Variants in VAV2 observed in about 807,000 individuals in gnomAD.
VAV2 encodes guanine nucleotide exchange factor VAV2.
In VAV2, 67 loss-of-function variants were observed where a neutral mutation model predicts 132.5. The ratio of observed to expected loss-of-function variants is 0.51; its 90% CI spans 0.42 to 0.62. The LOEUF is 0.62. Among genes scored for constraint, VAV2 ranks in the 20% least tolerant of loss-of-function variants. The probability of loss-of-function intolerance (pLI) is 0.00; values close to 1 mark genes in which losing one functional copy is unlikely to be tolerated. For missense variants in VAV2, 938 were observed against 1,153.6 expected, an observed-to-expected ratio of 0.81 and a Z score of 2.71; for synonymous variants, 492 against 443.5, an observed-to-expected ratio of 1.11 and a Z score of -1.37.
chr9:133,801,579 C>G (rs923071828), intron 9 of VAV2, among the ~76,000 whole-genome samples: 1 of 152,214 alleles, frequency 6.6e-6, no homozygotes, highest in Non-Finnish European at 1.5e-5. Context: ...ACCCCTAGCC[C>G]CACTGAGCAA....
chr9:133,990,981 T>A (rs1367027070), intron 1 of VAV2, among the ~76,000 whole-genome samples: 1 of 152,064 alleles, frequency 6.6e-6, no homozygotes, highest in Non-Finnish European at 1.5e-5. Context: ...GGAAACGCAG[T>A]CACCGCCAAA....
intron 2 of VAV2, among the ~76,000 whole-genome samples, chr9:133,888,743 G>T (rs1423996984): frequency 6.6e-6 from 1 of 152,222 alleles, no homozygotes; most frequent in Non-Finnish European, 1.5e-5. Context: ...TGAGCCGACT[G>T]ATCTGTTCCA....
chr9:133,813,857 G>A (rs190604104), intron 4 of VAV2, among the ~76,000 whole-genome samples: 72 of 152,334 alleles, frequency 4.7e-4, no homozygotes, highest in Admixed American at 1.6e-3. Context: ...GTGTGCCAGC[G>A]CCTGTAGAAA....
At chr9:133,793,528 A>G (rs2131628231) in intron 12 of VAV2, among the ~76,000 whole-genome samples, 1 of 152,278 alleles carries the variant, frequency 6.6e-6, no homozygotes, top group Non-Finnish European at 1.5e-5. Context: ...CCCAGAGACA[A>G]GGACCCCAGT....
chr9:133,827,044 A>C (rs914078346), intron 4 of VAV2, among the ~76,000 whole-genome samples: 7 of 152,160 alleles, frequency 4.6e-5, no homozygotes, highest in African/African-American at 1.7e-4. Context: ...GCCTCAGTGA[A>C]CAGAAAATGG....
At chr9:133,783,324 T>A (rs2428107) in intron 19 of VAV2, among the ~76,000 whole-genome samples, 179 bp downstream of exon 19, 132,135 of 151,978 alleles carry the variant, frequency 0.87, 57,634 homozygotes, top group East Asian at 1. Flanking sequence ...GTGTCTCCTG[T>A]TAAGTGTGTG....
intron 2 of VAV2, among the ~76,000 whole-genome samples, chr9:133,929,277 G>C (rs1216947071): frequency 6.6e-6 from 1 of 152,134 alleles, no homozygotes. Flanking sequence ...CCGGACAGTG[G>C]TGGGTGGGTT....
At position 133,826,744 on chromosome 9, in the gene VAV2, T is replaced by C. The variant is rs1836003387; in HGVS notation, c.449+7528A>G. ...CTGCCCTGAGTGGGAGCTTTCAAAT[T>C]TCTCCCGTGTCCCTTCAATTCCCCT... On this transcript the variant is annotated intron_variant, in intron 4 of 29. Coordinates refer to ENST00000371850, the MANE Select transcript of VAV2 (RefSeq NM_001134398.2). The surrounding 1 kb of genome is among the most constrained non-coding windows in gnomAD (Gnocchi z 4.2). Among the ~76,000 whole-genome samples, 1 of 152,056 alleles carries C rather than the reference T, an allele frequency of 6.6e-6. No individual in the cohort carries two copies.
chr9:133,895,967 T>C (rs1285646005), intron 2 of VAV2, among the ~76,000 whole-genome samples: 1 of 78,218 alleles, frequency 1.3e-5, no homozygotes, highest in East Asian at 3.1e-4. Flanking sequence ...CATTCTTGGG[T>C]GTTTCTCGCA....
intron 1 of VAV2, among the ~76,000 whole-genome samples, chr9:133,985,772 G>A (rs1013209151): frequency 1.3e-5 from 2 of 152,180 alleles, no homozygotes; most frequent in African/African-American, 4.8e-5. Flanking sequence ...GAATGATGAG[G>A]ACGAATCAAA....
chr9:133,939,369 A>G (rs1841048479), intron 1 of VAV2, 150 bp from the exon 2 acceptor site: 2 of 750,720 alleles, frequency 2.7e-6, no homozygotes, highest in African/African-American at 3.5e-5. Context: ...AAATGGGCTC[A>G]GAGAGATGAC....
chr9:133,864,663 G>C (rs1837730712), intron 2 of VAV2, among the ~76,000 whole-genome samples: 1 of 152,246 alleles, frequency 6.6e-6, no homozygotes, highest in African/African-American at 2.4e-5. Flanking sequence ...TGCATTTATA[G>C]TTCAGGGCCC....
rs1197142190 is a variant in VAV2, at chr9:133,768,068, T to C, written c.2589+374A>G. 6.6e-6 allele frequency among the ~76,000 whole-genome samples: 1 copy of C among 151,974 alleles called. No homozygotes were observed. The highest frequency in any genetic ancestry group is 2.4e-5 in the African/African-American group (1 of 41,400). ...GGAGCCCAGCAAGGACACCGTGTCC[T>C]CCTCAGTCCTGTGACCTCCCTTCCC... On this transcript the variant is annotated intron_variant, in intron 29 of 29. Transcript: ENST00000371850. The surrounding 1 kb of genome is among the most constrained non-coding windows in gnomAD (Gnocchi z 5.3).
chr9:133,960,210 C>T (rs187697270), intron 1 of VAV2, among the ~76,000 whole-genome samples: 35 of 152,224 alleles, frequency 2.3e-4, no homozygotes, highest in Non-Finnish European at 4.6e-4. Context: ...CAAGACAACG[C>T]GTTCCCAAAG....
rs1588242492 is a variant in VAV2 at position 133,834,258 on chromosome 9, T to C, written c.449+14A>G. On this transcript the variant is annotated intron_variant, in intron 4 of 29. Transcript: ENST00000371850. The surrounding 1 kb of genome is among the most constrained non-coding windows in gnomAD (Gnocchi z 5.9). ...TCCCTCCTCTCCATCCCTCCTCCCA[T>C]CCCCCCGCCTTACTCGGCCAGCTCC... 1 of 1,426,146 alleles carries C rather than the reference T, an allele frequency of 7.0e-7. No individual in the cohort carries two copies. Among genetic ancestry groups the C allele is most frequent in the Non-Finnish European group, 9.7e-7 (1 of 1,034,730 alleles). 88.3% of individuals were successfully genotyped at this position (1,426,146 alleles called of 1,614,324 possible). A position where few individuals can be genotyped will look rare whatever the true frequency, so the allele number is the denominator to read the frequency against.
intron 4 of VAV2, among the ~76,000 whole-genome samples, chr9:133,829,968 T>G (rs770512432): frequency 1.3e-5 from 2 of 152,148 alleles, no homozygotes; most frequent in Non-Finnish European, 2.9e-5. Context: ...CAGCTCCTGG[T>G]TCCAAGCCTG....
chr9:133,938,014 C>T (rs1234987526), intron 2 of VAV2, among the ~76,000 whole-genome samples: 4 of 152,204 alleles, frequency 2.6e-5, no homozygotes, highest in Admixed American at 6.5e-5. Context: ...GACCTGAGGC[C>T]GTGCAGCACT....
intron 2 of VAV2, among the ~76,000 whole-genome samples, chr9:133,865,327 C>T (rs1205388356): frequency 1.3e-5 from 2 of 152,224 alleles, no homozygotes; most frequent in African/African-American, 4.8e-5. Flanking sequence ...CACATGTGAC[C>T]TCATCCCAGT....
chr9:133,789,668 G>A (rs1318592877), intron 13 of VAV2, among the ~76,000 whole-genome samples: 9 of 152,210 alleles, frequency 5.9e-5, no homozygotes, highest in East Asian at 1.9e-4. Flanking sequence ...AGCCCCAAGC[G>A]GGACCCGGTC....
Sources: gnomAD v4.1 joint callset for allele counts (sites outside exome capture counted in the v4.1 genomes callset) on GRCh38, gnomAD v4.1.1 for gene constraint, Gnocchi (gnomAD v3.1) non-coding constraint, MANE v1.5 for transcripts, NCBI Gene and HGNC (gene_info 2026-07-23, HGNC 2026-07-21) for gene names.